The following RGPD2 variants were observed in gnomAD, a reference collection of about 807,000 sequenced individuals.
The protein encoded by RGPD2 is RANBP2-like and GRIP domain-containing protein 2.
Under a neutral mutation model 36.0 loss-of-function variants are expected in RGPD2, and 2 were observed. That is an observed-to-expected ratio of 0.06 (90% CI 0.02 to 0.17). The LOEUF (loss-of-function observed/expected upper bound fraction) is 0.17, where lower values mean the gene tolerates loss of function less well. Among genes scored for constraint, RGPD2 ranks in the 10% least tolerant of loss-of-function variants. The pLI, the probability that RGPD2 is intolerant of heterozygous loss-of-function variation, is 1.00. For synonymous variants in RGPD2, 19 were observed against 163.8 expected (o/e 0.12, Z 6.75); for missense variants, 40 against 464.3 (o/e 0.09, Z 8.40).
the RGPD2 span, among the ~76,000 whole-genome samples, chr2:87,832,238 C>G: frequency 5.4e-5 from 8 of 148,292 alleles, no homozygotes; most frequent in East Asian, 1.4e-3. Context: ...ATAAATTTAC[C>G]AAAAACAAAG....
the RGPD2 span, among the ~76,000 whole-genome samples, chr2:87,856,475 AGAATAAAAATCTT>A: frequency 2.0e-5 from 3 of 146,808 alleles, no homozygotes; most frequent in Admixed American, 1.4e-4. Context: ...GATTTAAGGT[AGAATAAAAATCTT>A]GATAGGGCCA....
chr2:87,843,970 C>A, the RGPD2 span, among the ~76,000 whole-genome samples: 1 of 151,994 alleles, frequency 6.6e-6, no homozygotes, highest in African/African-American at 2.4e-5. Context: ...GAACAAAAAA[C>A]CAAACACCGC....
chr2:87,830,192 C>T (rs1672443611), upstream of RGPD2, among the ~76,000 whole-genome samples: 1 of 152,114 alleles, frequency 6.6e-6, no homozygotes, highest in African/African-American at 2.4e-5. Flanking sequence ...AAGAGGTAGG[C>T]TCCCACAGCC....
chr2:87,907,466 A>AAC, the RGPD2 span, among the ~76,000 whole-genome samples: 1 of 4,370 alleles, frequency 2.3e-4, no homozygotes, highest in African/African-American at 1.0e-3. Flanking sequence ...AAAAAAAAGA[A>AAC]TTGTGGGTAT....
chr2:87,857,345 T>A, the RGPD2 span, among the ~76,000 whole-genome samples: 7 of 152,094 alleles, frequency 4.6e-5, no homozygotes, highest in Non-Finnish European at 8.8e-5. Context: ...AAAATATTTG[T>A]ATACTTTTTT....
At chr2:87,988,615 AC>A in the RGPD2 span, among the ~76,000 whole-genome samples, 1 of 146,254 alleles carries the variant, frequency 6.8e-6, no homozygotes. Flanking sequence ...ATCTTGGCTC[AC>A]TGCAACCTCC....
the RGPD2 span, among the ~76,000 whole-genome samples, chr2:87,957,907 T>C: frequency 6.6e-6 from 1 of 152,426 alleles, no homozygotes; most frequent in Non-Finnish European, 1.5e-5. Flanking sequence ...ACAAAGAGAA[T>C]CATGGATGCA....
chr2:87,772,743 A>G (rs1685164875), intron 21 of RGPD2, among the ~76,000 whole-genome samples: 1 of 136,582 alleles, frequency 7.3e-6, no homozygotes, highest in South Asian at 2.5e-4. Flanking sequence ...CAAGAGGAGA[A>G]AAAGTAGATG....
At chr2:87,915,209 C>T in the RGPD2 span, among the ~76,000 whole-genome samples, 1 of 149,940 alleles carries the variant, frequency 6.7e-6, no homozygotes, top group African/African-American at 2.5e-5. Context: ...TACTTAGACC[C>T]TGTTATTTTT....
intron 6 of RGPD2, among the ~76,000 whole-genome samples, chr2:87,807,380 GTTTTTTTTTTTT>G (rs992462711): frequency 1.2e-5 from 1 of 81,952 alleles, no homozygotes; most frequent in African/African-American, 6.4e-5. Flanking sequence ...GCGTTAAATT[GTTTTTTTTTTTT>G]TTTTTTTTTT....
At chr2:87,763,351 G>A (rs1243772465) in intron 22 of RGPD2, among the ~76,000 whole-genome samples, 2 of 149,774 alleles carry the variant, frequency 1.3e-5, no homozygotes, top group Non-Finnish European at 3.0e-5. Context: ...TAGAGACGGG[G>A]TTTCACCGTG....
chr2:87,871,667 A>G, the RGPD2 span, among the ~76,000 whole-genome samples: 1 of 152,116 alleles, frequency 6.6e-6, no homozygotes, highest in Non-Finnish European at 1.5e-5. Context: ...GGAATTTGAG[A>G]CCAGCCTGAC....
At chr2:87,957,341 A>G in the RGPD2 span, among the ~76,000 whole-genome samples, 2 of 117,466 alleles carry the variant, frequency 1.7e-5, no homozygotes, top group Non-Finnish European at 3.5e-5. Flanking sequence ...ACAGCAAAAA[A>G]GCAATCATCT....
At chr2:87,771,389 T>TTTG (rs1487179522) in intron 22 of RGPD2, 1 of 14,996 alleles carries the variant, frequency 6.7e-5, no homozygotes, top group Non-Finnish European at 1.7e-4. Flanking sequence ...CATAGTTTTT[T>TTTG]TTTTTTTTTT....
At chr2:87,825,079 CT>C in intron 1 of RGPD2, 1 of 387,692 alleles carries the variant, frequency 2.6e-6, no homozygotes. Flanking sequence ...AAATAAAAAA[CT>C]ATAGTAAACC....
intron 22 of RGPD2, among the ~76,000 whole-genome samples, chr2:87,769,350 C>T (rs1193989479): frequency 2.6e-5 from 4 of 152,136 alleles, no homozygotes; most frequent in Non-Finnish European, 5.9e-5. Context: ...AATAAGGTCT[C>T]TTTTATGTAC....
the RGPD2 span, among the ~76,000 whole-genome samples, chr2:87,964,826 TGAGATGGAG>T: frequency 1.2e-5 from 1 of 82,750 alleles, no homozygotes; most frequent in African/African-American, 3.6e-5. Context: ...TTTTTCTTTT[TGAGATGGAG>T]TCTTGCTTTG....
the RGPD2 span, among the ~76,000 whole-genome samples, chr2:87,886,494 T>C: frequency 1.5e-4 from 23 of 151,934 alleles, no homozygotes; most frequent in Non-Finnish European, 5.9e-5. Flanking sequence ...TTAAATTTAG[T>C]AGACACTTAA....
At chr2:87,929,179 G>GC in the RGPD2 span, among the ~76,000 whole-genome samples, 3 of 151,744 alleles carry the variant, frequency 2.0e-5, no homozygotes, top group African/African-American at 7.3e-5. Flanking sequence ...TTTTTTTATA[G>GC]TTTTGGGTTT....
Sources: allele counts gnomAD v4.1 joint callset (sites outside exome capture counted in the v4.1 genomes callset), GRCh38; gene constraint gnomAD v4.1.1; transcripts MANE v1.5; gene names NCBI Gene and HGNC (gene_info 2026-07-23, HGNC 2026-07-21).